The following MPDZ variants were observed in gnomAD, a reference collection of about 807,000 sequenced individuals.
The protein encoded by MPDZ is multiple PDZ domain protein.
Under a neutral mutation model 239.1 loss-of-function variants are expected in MPDZ, and 234 were observed. The observed-to-expected ratio is 0.98, with a 90% CI of 0.88 to 1.09. MPDZ has a LOEUF of 1.09. Ranked by LOEUF, MPDZ falls within the 50% of genes least tolerant of loss-of-function variation. The pLI, the probability that MPDZ is intolerant of heterozygous loss-of-function variation, is 0.00. For missense variants in MPDZ, 3,175 were observed against 2,510.0 expected (o/e 1.26, Z -5.66); for synonymous variants, 1,048 against 881.3 (o/e 1.19, Z -3.35).
intron 25 of MPDZ, among the ~76,000 whole-genome samples, chr9:13,148,431 C>G (rs1254934504): frequency 6.6e-6 from 1 of 151,762 alleles, no homozygotes; most frequent in Non-Finnish European, 1.5e-5. Flanking sequence ...ATGATATATA[C>G]AACAAAAGAG....
At chr9:13,113,787 G>A (rs570596372) in intron 41 of MPDZ, 144 bp downstream of exon 41, 5 of 653,234 alleles carry the variant, frequency 7.7e-6, no homozygotes, top group African/African-American at 7.3e-5. Context: ...ATGTTGTTCA[G>A]ACTTTTTGCT....
chr9:13,145,117 A>G (rs1948254945), intron 26 of MPDZ, among the ~76,000 whole-genome samples: 1 of 152,080 alleles, frequency 6.6e-6, no homozygotes. Flanking sequence ...CCCTGATAGC[A>G]AAGTGTAAAA....
chr9:13,264,458 G>C (rs1033891162), intron 1 of MPDZ, among the ~76,000 whole-genome samples: 8 of 152,074 alleles, frequency 5.3e-5, no homozygotes, highest in Admixed American at 5.2e-4. Context: ...ATATAGGTCA[G>C]AGAGAAGCTA....
intron 32 of MPDZ, among the ~76,000 whole-genome samples, chr9:13,130,241 C>T (rs532372491): frequency 6.6e-6 from 1 of 152,230 alleles, no homozygotes; most frequent in South Asian, 2.1e-4. Context: ...ATTCTATTTT[C>T]CCATTTTTAA....
In MPDZ at chr9:13,203,968, G is replaced by A. The variant is rs148517028; in HGVS notation, c.1546+1068C>T. The stretch of plus-strand genomic sequence containing the variant: ...GCCTAAATAATTTCTTTACTTATTA[G>A]TGTAAAAATGGCAGAATGTTATTAG... On this transcript the variant is annotated intron_variant, in intron 12 of 46. Transcript: ENST00000319217. Among the ~76,000 whole-genome samples, 39 of 152,124 alleles carry A rather than the reference G, an allele frequency of 2.6e-4. No individual in the cohort carries two copies. In the East Asian group the frequency reaches 6.0e-3, roughly 23 times the overall value.
At chr9:13,159,631 T>C (rs946933729) in intron 23 of MPDZ, among the ~76,000 whole-genome samples, 2 of 152,038 alleles carry the variant, frequency 1.3e-5, no homozygotes, top group African/African-American at 4.8e-5. Flanking sequence ...AGGCAGGGGA[T>C]GGGGGGAGGT....
At chr9:13,233,791 A>G (rs1202392593) in intron 3 of MPDZ, among the ~76,000 whole-genome samples, 3 of 152,178 alleles carry the variant, frequency 2.0e-5, no homozygotes, top group African/African-American at 7.2e-5. Flanking sequence ...TCTATCCGCA[A>G]CTATGAATTT....
Position 13,206,099 on chromosome 9 carries a change from C to A in MPDZ, c.1291G>T (p.Val431Leu), listed in dbSNP as rs1956956636. 1.9e-6 allele frequency: 3 copies of A among 1,562,606 alleles called. No individual in the cohort carries two copies. The highest frequency in any genetic ancestry group is 2.6e-6 in the Non-Finnish European group (3 of 1,162,318). ...AAACCCTGAAGGTTTGTGCCATCTA[C>A]CTGTGATTAAAAAAAAAAAAAAGCA... ...RIQIGDQIIA[V>L]DGTNLQGFTN... Residue 431 changes from valine to leucine, a missense_variant and splice_region_variant, in exon 11 of 47, where the codon GTA becomes TTA. Physicochemically the swap from Val to Leu is conservative, Grantham distance 32 (BLOSUM62 1). Coordinates refer to ENST00000319217, the MANE Select transcript of MPDZ (RefSeq NM_001378778.1).
chr9:13,221,636 T>G (rs1174479071), intron 6 of MPDZ, 136 bp from the exon 7 acceptor site: 2 of 853,038 alleles, frequency 2.3e-6, no homozygotes, highest in Non-Finnish European at 3.4e-6. Context: ...CCTAACAATG[T>G]CCCTTTCATT....
intron 3 of MPDZ, among the ~76,000 whole-genome samples, chr9:13,231,739 T>A (rs1962546533): frequency 6.6e-6 from 1 of 151,882 alleles, no homozygotes; most frequent in South Asian, 2.1e-4. Context: ...AATTGTTCTC[T>A]ACTTTTTGTT....
At chr9:13,266,851 G>A (rs948526202) in intron 1 of MPDZ, among the ~76,000 whole-genome samples, 3 of 152,152 alleles carry the variant, frequency 2.0e-5, no homozygotes, top group Non-Finnish European at 4.4e-5. Flanking sequence ...AGAAGGAGGA[G>A]GAAGGAATTA....
chr9:13,111,789 AT>A (rs1449575551), intron 43 of MPDZ, among the ~76,000 whole-genome samples: 1 of 152,222 alleles, frequency 6.6e-6, no homozygotes, highest in Non-Finnish European at 1.5e-5. Context: ...ATATAAAAAT[AT>A]GTATTAGGAA....
intron 10 of MPDZ, among the ~76,000 whole-genome samples, chr9:13,206,303 TTC>T (rs1564027838): frequency 6.6e-6 from 1 of 152,028 alleles, no homozygotes; most frequent in Non-Finnish European, 1.5e-5. Context: ...TTTGAGAGGC[TTC>T]TGTTTATTTT....
intron 38 of MPDZ, 88 bp downstream of exon 38, chr9:13,121,651 A>G (rs1256949472): frequency 1.9e-5 from 26 of 1,401,782 alleles, no homozygotes; most frequent in Non-Finnish European, 2.6e-5. Flanking sequence ...GCCACTGATA[A>G]AAGATTCACC....
At chr9:13,272,894 A>G (rs1464021819) in intron 1 of MPDZ, among the ~76,000 whole-genome samples, 1 of 152,084 alleles carries the variant, frequency 6.6e-6, no homozygotes, top group Non-Finnish European at 1.5e-5. Flanking sequence ...GGGGGCTGCT[A>G]TGGTCTGAAT....
chr9:13,279,108 G>C (rs1974962385), intron 1 of MPDZ: 1 of 151,960 alleles, frequency 6.6e-6, no homozygotes. Context: ...GGGCTGGGGG[G>C]AGTGGAGACT....
intron 1 of MPDZ, among the ~76,000 whole-genome samples, chr9:13,267,485 T>A (rs373238298): frequency 2.6e-5 from 4 of 152,236 alleles, no homozygotes; most frequent in Admixed American, 6.5e-5. Context: ...CAGAGCTTTA[T>A]GATATCTTCT....
At chr9:13,113,081 G>A (rs1219515182) in intron 41 of MPDZ, 27 bp from the exon 42 acceptor site, 8 of 1,527,164 alleles carry the variant, frequency 5.2e-6, no homozygotes, top group Non-Finnish European at 7.1e-6. Flanking sequence ...GATAAAATAG[G>A]GTTATTTTAT....
intron 3 of MPDZ, among the ~76,000 whole-genome samples, chr9:13,244,003 A>C (rs752984660): frequency 1.6e-4 from 24 of 152,282 alleles, no homozygotes; most frequent in Non-Finnish European, 2.9e-4. Context: ...CCAATCTTGG[A>C]ATTGGTCTCT....
Sources: gnomAD v4.1 joint callset for allele counts (sites outside exome capture counted in the v4.1 genomes callset) on GRCh38, gnomAD v4.1.1 for gene constraint, MANE v1.5 for transcripts, NCBI Gene and HGNC (gene_info 2026-07-23, HGNC 2026-07-21) for gene names.